The following CYP7B1 variants were observed in gnomAD, a reference collection of about 807,000 sequenced individuals.
The protein encoded by CYP7B1 is cytochrome P450 family 7 subfamily B member 1, also known as cytochrome P450 7B1.
A neutral mutation model predicts 42.7 loss-of-function variants in CYP7B1; 29 were observed. The ratio of observed to expected loss-of-function variants is 0.68; its 90% CI spans 0.51 to 0.93. The LOEUF (loss-of-function observed/expected upper bound fraction) is 0.93. Among genes scored for constraint, CYP7B1 ranks in the 40% least tolerant of loss-of-function variants. CYP7B1 has a pLI of 0.00. For synonymous variants in CYP7B1, 235 were observed against 218.2 expected (o/e 1.08, Z -0.68); for missense variants, 655 against 600.5 (o/e 1.09, Z -0.95).
At chr8:64,733,273 G>A (rs973605919) in intron 1 of CYP7B1, among the ~76,000 whole-genome samples, 1 of 152,156 alleles carries the variant, frequency 6.6e-6, no homozygotes, top group African/African-American at 2.4e-5. Flanking sequence ...CTATATTGAA[G>A]GATGAACAAT....
chr8:64,722,199 A>G (rs1807246279), intron 1 of CYP7B1, among the ~76,000 whole-genome samples: 1 of 152,218 alleles, frequency 6.6e-6, no homozygotes, highest in South Asian at 2.1e-4. Context: ...GTTTATAATT[A>G]CAATGGAAAA....
At chr8:64,666,388 T>A (rs951617664) in intron 1 of CYP7B1, among the ~76,000 whole-genome samples, 4 of 152,086 alleles carry the variant, frequency 2.6e-5, no homozygotes, top group African/African-American at 4.8e-5. Flanking sequence ...AACAAAAAAA[T>A]TTTAAAATAT....
chr8:64,626,111 A>G (rs954427672), intron 1 of CYP7B1, among the ~76,000 whole-genome samples: 1 of 152,206 alleles, frequency 6.6e-6, no homozygotes, highest in African/African-American at 2.4e-5. Flanking sequence ...TTTATAGGTA[A>G]GAGTTCTCAA....
chr8:64,685,530 T>G (rs1806613948), intron 1 of CYP7B1, among the ~76,000 whole-genome samples: 1 of 27,990 alleles, frequency 3.6e-5, no homozygotes, highest in South Asian at 1.2e-3. Flanking sequence ...CCATCTGGGA[T>G]GTGAGGAGCG....
rs1419251172 is a variant in CYP7B1 at position 64,756,507 on chromosome 8, A to G, written c.122+41959T>C. ...GATAGGAAGAACTATCAAAGAGTAG[A>G]GGAAAGGAACCAGAATGGGGGCTTG... On this transcript the variant is annotated intron_variant, in intron 1 of 5. Coordinates refer to ENST00000310193, the MANE Select transcript of CYP7B1 (RefSeq NM_004820.5). Among the ~76,000 whole-genome samples the G allele has an allele frequency of 2.0e-5, 3 of 152,334 alleles. No individual in the cohort carries two copies. The East Asian group carries it at 5.8e-4, about 29-fold the overall frequency.
At chr8:64,669,320 A>G (rs541050635) in intron 1 of CYP7B1, among the ~76,000 whole-genome samples, 17 of 150,602 alleles carry the variant, frequency 1.1e-4, no homozygotes, top group African/African-American at 3.9e-4. Context: ...GTGAAAAGGT[A>G]CGTTACACAT....
At chr8:64,668,265 G>A (rs543437480) in intron 1 of CYP7B1, among the ~76,000 whole-genome samples, 4 of 152,198 alleles carry the variant, frequency 2.6e-5, no homozygotes, top group African/African-American at 4.8e-5. Flanking sequence ...TTGAAAGGAC[G>A]CTCCCTGTAT....
At chr8:64,794,643 T>A (rs1804677185) in intron 1 of CYP7B1, among the ~76,000 whole-genome samples, 1 of 152,202 alleles carries the variant, frequency 6.6e-6, no homozygotes, top group Non-Finnish European at 1.5e-5. Context: ...ATTGCCCTAA[T>A]GATCTAATTA....
chr8:64,615,736 C>G lies in CYP7B1; in HGVS notation c.805G>C (p.Asp269His). The change falls in exon 3 of 6, where the codon GAT (aspartate) becomes CAT (histidine). Residue 269 changes from aspartate (D) to histidine (H), a missense_variant. Coordinates refer to ENST00000310193, the MANE Select transcript of CYP7B1 (RefSeq NM_004820.5). ...GWSEVFQSRQ[D>H]VLEKYYVHED... ...TGCACATAATATTTCTCCAGGACATCTTGCCTGCTTTGAAAAACTTCTGAC... is the reference window on the plus strand; with the variant it reads ...TGCACATAATATTTCTCCAGGACATGTTGCCTGCTTTGAAAAACTTCTGAC... 6.2e-7 allele frequency: 1 copy of G among 1,613,722 alleles called. No individual in the cohort carries two copies.
chr8:64,706,992 C>A (rs1265333207), intron 1 of CYP7B1, among the ~76,000 whole-genome samples: 1 of 152,074 alleles, frequency 6.6e-6, no homozygotes, highest in Non-Finnish European at 1.5e-5. Flanking sequence ...TCCAGTAGAA[C>A]ACAAAATCAG....
chr8:64,657,368 T>C (rs1189415943), intron 1 of CYP7B1, among the ~76,000 whole-genome samples: 3 of 152,164 alleles, frequency 2.0e-5, no homozygotes, highest in African/African-American at 4.8e-5. Context: ...TATTGGAGTC[T>C]AAAAATAAAA....
At chr8:64,733,604 G>A (rs1807445567) in intron 1 of CYP7B1, among the ~76,000 whole-genome samples, 1 of 152,152 alleles carries the variant, frequency 6.6e-6, no homozygotes, top group Non-Finnish European at 1.5e-5. Flanking sequence ...CAGCCTTTGT[G>A]TGAAGGCTGA....
At chr8:64,797,201 C>T (rs113538227) in intron 1 of CYP7B1, among the ~76,000 whole-genome samples, 138 of 152,286 alleles carry the variant, frequency 9.1e-4, no homozygotes, top group African/African-American at 3.3e-3. Flanking sequence ...TCCACATTCT[C>T]ACACCAATCA....
chr8:64,713,757 G>A (rs1807114649), intron 1 of CYP7B1, among the ~76,000 whole-genome samples: 1 of 152,020 alleles, frequency 6.6e-6, no homozygotes, highest in African/African-American at 2.4e-5. Flanking sequence ...ATCCCAGAAG[G>A]GAAGAGACAG....
chr8:64,682,849 T>A (rs1161174836), intron 1 of CYP7B1, among the ~76,000 whole-genome samples: 3 of 152,182 alleles, frequency 2.0e-5, no homozygotes, highest in Non-Finnish European at 4.4e-5. Flanking sequence ...GGAGGTCTAT[T>A]AACATCTTAA....
At chr8:64,785,641 T>C (rs1307447688) in intron 1 of CYP7B1, among the ~76,000 whole-genome samples, 2 of 151,992 alleles carry the variant, frequency 1.3e-5, no homozygotes, top group Non-Finnish European at 2.9e-5. Context: ...CCATATGACA[T>C]TTTAAAGAAG....
intron 1 of CYP7B1, among the ~76,000 whole-genome samples, chr8:64,638,952 C>A (rs1805813926): frequency 6.6e-6 from 1 of 152,020 alleles, no homozygotes; most frequent in Admixed American, 6.6e-5. Flanking sequence ...CTTTAGAAGG[C>A]AGATGTCTTA....
chr8:64,747,288 A>G (rs1164052044), intron 1 of CYP7B1, among the ~76,000 whole-genome samples: 1 of 148,344 alleles, frequency 6.7e-6, no homozygotes, highest in Non-Finnish European at 1.5e-5. Flanking sequence ...TGAATATAAT[A>G]TTAATATAAT....
Position 64,596,538 on chromosome 8 carries a change from T to C in CYP7B1, c.*104A>G, listed in dbSNP as rs1219521255. ...AGATCAAATAGAAATTAGCGCTTTT[T>C]AAACAAATAAATCAATTACATTTGC... On this transcript the variant is annotated 3_prime_UTR_variant, in exon 6 of 6. Coordinates refer to ENST00000310193, the MANE Select transcript of CYP7B1 (RefSeq NM_004820.5). 1 of 1,231,392 alleles carries C rather than the reference T, an allele frequency of 8.1e-7. No individual in the cohort carries two copies. The highest frequency in any genetic ancestry group is 1.1e-6 in the Non-Finnish European group (1 of 883,020). 76.3% of individuals were successfully genotyped at this position (1,231,392 alleles called of 1,614,324 possible).
Sources: gnomAD v4.1 joint callset for allele counts (sites outside exome capture counted in the v4.1 genomes callset) on GRCh38, gnomAD v4.1.1 for gene constraint, MANE v1.5 for transcripts, NCBI Gene and HGNC (gene_info 2026-07-23, HGNC 2026-07-21) for gene names.